Variants in RHD observed in about 807,000 individuals in gnomAD.
RHD encodes Rh blood group D antigen.
A neutral mutation model predicts 45.5 loss-of-function variants in RHD; 16 were observed. That is an observed-to-expected ratio of 0.35 (90% CI 0.24 to 0.53). The LOEUF is 0.53. RHD is among the 20% of genes least tolerant of loss of function. RHD has a pLI of 0.92. For missense variants in RHD, 306 were observed against 532.0 expected, an observed-to-expected ratio of 0.58 and a Z score of 4.18; for synonymous variants, 131 against 217.5, an observed-to-expected ratio of 0.60 and a Z score of 3.50.
rs778406196 is a variant in RHD, at chr1:25,303,392, C to T, written c.872C>T (p.Pro291Leu). ...VGTSCHLIPS[P>L]WLAMVLGLVA... ...ACCTCGTGTCACCTGATCCCTTCTC[C>T]GTGGCTTGCCATGGTGCTGGGTCTT... The change falls in exon 6 of 10, where the codon CCG becomes CTG. Residue 291 changes from proline to leucine, a missense_variant. Physicochemically the swap from Pro to Leu is moderately conservative, Grantham distance 98. Transcript: ENST00000328664. The T allele has an allele frequency of 2.2e-6, 3 of 1,378,734 alleles. No individual in the cohort carries two copies. The highest frequency in any genetic ancestry group is 1.2e-5 in the South Asian group (1 of 84,838). 85.4% of individuals were successfully genotyped at this position (1,378,734 alleles called of 1,614,324 possible). A position where few individuals can be genotyped will look rare whatever the true frequency, so the allele number is the denominator to read the frequency against.
At chr1:25,306,460 T>C in intron 6 of RHD, 136 bp from the exon 7 acceptor site, 1 of 869,110 alleles carries the variant, frequency 1.2e-6, no homozygotes, top group South Asian at 1.4e-5. Context: ...CATTCAAGTC[T>C]GAGAAGGGCT....
chr1:25,296,764 A>C (rs599792), intron 3 of RHD, among the ~76,000 whole-genome samples: 62,408 of 116,200 alleles, frequency 0.54, 24,688 homozygotes, highest in South Asian at 0.84. Context: ...CTCTCACCTG[A>C]CACCACGTAA....
chr1:25,307,358 C>T (rs1327311780), intron 7 of RHD, among the ~76,000 whole-genome samples: 1 of 131,212 alleles, frequency 7.6e-6, no homozygotes, highest in African/African-American at 2.6e-5. Flanking sequence ...CACACCAGAG[C>T]CCTAGCCATT....
chr1:25,314,973 G>C (rs1644359338), intron 7 of RHD, among the ~76,000 whole-genome samples: 1 of 130,238 alleles, frequency 7.7e-6, no homozygotes, highest in Admixed American at 7.5e-5. Context: ...GGGAGGCTGA[G>C]GCTGGCGGAT....
chr1:25,298,867 C>T (rs200072540), intron 3 of RHD, among the ~76,000 whole-genome samples: 2 of 128,466 alleles, frequency 1.6e-5, no homozygotes, highest in Admixed American at 1.5e-4. Context: ...AAAAGAAACA[C>T]GAAAAGTTGG....
Position 25,299,072 on chromosome 1 carries a change from TAAAAAAAAAAAA to T in RHD, c.487-1860_487-1849del, listed in dbSNP as rs34867414. The stretch of plus-strand genomic sequence containing the variant: ...GTTTAGAATTGTCAGCACATGGTGA[TAAAAAAAAAAAA>T]AAAAAAAAAAAAACAGGCTGGGAGC... On this transcript the variant is annotated intron_variant, in intron 3 of 9. Transcript: ENST00000328664. 4.9e-5 allele frequency among the ~76,000 whole-genome samples: 2 copies of T among 40,878 alleles called. 1 individual carries two copies. Among genetic ancestry groups the T allele is most frequent in the African/African-American group, 1.6e-4 (2 of 12,822 alleles). The allele number at this position is 40,878 out of a possible 152,430, so 26.8% of individuals were successfully genotyped here. A position where few individuals can be genotyped will look rare whatever the true frequency, so the allele number is the denominator to read the frequency against.
intron 2 of RHD, among the ~76,000 whole-genome samples, chr1:25,286,517 T>G (rs1642008941): frequency 7.4e-6 from 1 of 134,974 alleles, no homozygotes; most frequent in Non-Finnish European, 1.8e-5. Context: ...CCGGGCGCAG[T>G]GGTTCATGCC....
chr1:25,285,520 T>C (rs1422014609), intron 2 of RHD, among the ~76,000 whole-genome samples: 1 of 135,110 alleles, frequency 7.4e-6, no homozygotes. Context: ...TTCATTAAAT[T>C]ACCTGTGCTT....
Position 25,321,350 on chromosome 1 carries a change from A to C in RHD, c.1154-539A>C, listed in dbSNP as rs775283295. On this transcript the variant is annotated intron_variant, in intron 8 of 9. Transcript: ENST00000328664. ...ACTGCCATTCCCAGTTCTTTTTTTC[A>C]AAAAAAAAAAAAAAATGTCTACAGA... Among the ~76,000 whole-genome samples, 3 of 103,580 alleles carry C rather than the reference A, an allele frequency of 2.9e-5. 1 individual carries two copies. Among genetic ancestry groups the C allele is most frequent in the Non-Finnish European group, 4.3e-5 (2 of 46,188 alleles). The allele number at this position is 103,580 out of a possible 152,430, so 68.0% of individuals were successfully genotyped here. A position where few individuals can be genotyped will look rare whatever the true frequency, so the allele number is the denominator to read the frequency against.
In RHD at chr1:25,299,616, T is replaced by C. The variant is rs1279206268; in HGVS notation, c.487-1330T>C. On this transcript the variant is annotated intron_variant, in intron 3 of 9. Transcript: ENST00000328664. ...AGGATGAGCAAGTGGAGGAGGGCAATAGGAGGTGACGCCCGAGAGGTCAGG... is the reference window on the plus strand; with the variant it reads ...AGGATGAGCAAGTGGAGGAGGGCAACAGGAGGTGACGCCCGAGAGGTCAGG... Among the ~76,000 whole-genome samples the C allele has an allele frequency of 2.3e-5, 3 of 128,178 alleles. 1 individual carries two copies. Among genetic ancestry groups the C allele is most frequent in the African/African-American group, 8.0e-5 (3 of 37,268 alleles). 84.1% of individuals were successfully genotyped at this position (128,178 alleles called of 152,430 possible).
chr1:25,302,438 A>G lies in RHD; in HGVS notation c.801+752A>G, dbSNP rs1275240541. Among the ~76,000 whole-genome samples, 2 of 129,394 alleles carry G rather than the reference A, an allele frequency of 1.5e-5. 1 individual carries two copies. The highest frequency in any genetic ancestry group is 3.6e-5 in the Non-Finnish European group (2 of 54,908). The allele number at this position is 129,394 out of a possible 152,430, so 84.9% of individuals were successfully genotyped here. A position where few individuals can be genotyped will look rare whatever the true frequency, so the allele number is the denominator to read the frequency against. On this transcript the variant is annotated intron_variant, in intron 5 of 9. Coordinates refer to ENST00000328664, the MANE Select transcript of RHD (RefSeq NM_016124.6). ...GAATGTGGCCACAGATGACAGCTTC[A>G]CAGCAGAATTCAGTGCTAAGAGGAA...
rs1396174508 is a variant in RHD at position 25,307,582 on chromosome 1, C to A, written c.1073+853C>A. 6 of 713,608 alleles carry A rather than the reference C, an allele frequency of 8.4e-6. 1 individual carries two copies. The highest frequency in any genetic ancestry group is 1.4e-5 in the Non-Finnish European group (6 of 420,932). The allele number at this position is 713,608 out of a possible 1,614,324, so 44.2% of individuals were successfully genotyped here. A position where few individuals can be genotyped will look rare whatever the true frequency, so the allele number is the denominator to read the frequency against. On this transcript the variant is annotated intron_variant, in intron 7 of 9. Coordinates refer to ENST00000328664, the MANE Select transcript of RHD (RefSeq NM_016124.6). ...TATGCATTATCTCCTTGAATTCTCACAACCGCCTACTGAGGTATTCTCAGA... is the reference window on the plus strand; with the variant it reads ...TATGCATTATCTCCTTGAATTCTCAAAACCGCCTACTGAGGTATTCTCAGA...
chr1:25,287,710 G>T lies in RHD; in HGVS notation c.336-2931G>T, dbSNP rs1642158360. On this transcript the variant is annotated intron_variant, in intron 2 of 9. Transcript: ENST00000328664. ...TGAAAATAAACGGAACTCTGAAGTG[G>T]GATGTTTTAAAATTTTATTTATTTT... Among the ~76,000 whole-genome samples, 2 of 135,288 alleles carry T rather than the reference G, an allele frequency of 1.5e-5. 1 individual carries two copies. Among genetic ancestry groups the T allele is most frequent in the African/African-American group, 5.1e-5 (2 of 39,230 alleles). The allele number at this position is 135,288 out of a possible 152,430, so 88.8% of individuals were successfully genotyped here.
At chr1:25,302,829 T>C (rs1643492359) in intron 5 of RHD, among the ~76,000 whole-genome samples, 1 of 131,364 alleles carries the variant, frequency 7.6e-6, no homozygotes, top group Non-Finnish European at 1.8e-5. Context: ...AATAACCTTA[T>C]GAAGAAGGTA....
rs1246146587 is a variant in RHD at position 25,319,901 on chromosome 1, T to C, written c.1154-1988T>C. ...GCCTAACAGAGGAAGAGAAATTCTT[T>C]TTTTTTTCTTTTTTTAGACGCAGTT... On this transcript the variant is annotated intron_variant, in intron 8 of 9. Coordinates refer to ENST00000328664, the MANE Select transcript of RHD (RefSeq NM_016124.6). 2.3e-5 allele frequency among the ~76,000 whole-genome samples: 3 copies of C among 131,058 alleles called. 1 individual carries two copies. The highest frequency in any genetic ancestry group is 2.2e-4 in the Admixed American group (3 of 13,434). 86.0% of individuals were successfully genotyped at this position (131,058 alleles called of 152,430 possible). A position where few individuals can be genotyped will look rare whatever the true frequency, so the allele number is the denominator to read the frequency against.
Position 25,302,696 on chromosome 1 carries a change from C to T in RHD, c.802-626C>T, listed in dbSNP as rs181973482. Among the ~76,000 whole-genome samples, 3 of 130,014 alleles carry T rather than the reference C, an allele frequency of 2.3e-5. 1 individual carries two copies. The highest frequency in any genetic ancestry group is 5.4e-5 in the Non-Finnish European group (3 of 55,122). The allele number at this position is 130,014 out of a possible 152,430, so 85.3% of individuals were successfully genotyped here. ...CCAGTCACACAGGGTGGCACAGGCA[C>T]CAAGTAGCCAATAATAATAATAAAA... On this transcript the variant is annotated intron_variant, in intron 5 of 9. Coordinates refer to ENST00000328664, the MANE Select transcript of RHD (RefSeq NM_016124.6).
chr1:25,309,304 TCA>T (rs1644017712), intron 7 of RHD, among the ~76,000 whole-genome samples: 1 of 131,502 alleles, frequency 7.6e-6, no homozygotes, highest in African/African-American at 2.6e-5. Flanking sequence ...TTTTCAATTC[TCA>T]GTCCTTTGAT....
At chr1:25,301,943 TCA>T (rs1226575204) in intron 5 of RHD, among the ~76,000 whole-genome samples, 2 of 130,416 alleles carry the variant, frequency 1.5e-5, no homozygotes, top group African/African-American at 5.3e-5. Context: ...GAAACAGACC[TCA>T]GTTTGAACCC....
In RHD at chr1:25,286,976, C is replaced by G. The variant is rs1642074030; in HGVS notation, c.335+2217C>G. ...GGTGTGGCGGCAGGCACCTGTAATC[C>G]CAGCTACTTGGGAGGCTGAGGCAGG... On this transcript the variant is annotated intron_variant, in intron 2 of 9. Transcript: ENST00000328664. Among the ~76,000 whole-genome samples, 11 of 133,724 alleles carry G rather than the reference C, an allele frequency of 8.2e-5. 1 individual carries two copies. In the South Asian group the frequency reaches 2.4e-3, roughly 30 times the overall value. 87.7% of individuals were successfully genotyped at this position (133,724 alleles called of 152,430 possible).
Sources: allele counts gnomAD v4.1 joint callset (sites outside exome capture counted in the v4.1 genomes callset), GRCh38; gene constraint gnomAD v4.1.1; transcripts MANE v1.5; gene names NCBI Gene and HGNC (gene_info 2026-07-23, HGNC 2026-07-21).